Variants in LMO7 observed in about 807,000 individuals in gnomAD.
The protein encoded by LMO7 is LIM domain 7.
A neutral mutation model predicts 206.5 loss-of-function variants in LMO7; 120 were observed. That is an observed-to-expected ratio of 0.58 (90% CI 0.50 to 0.68). The LOEUF (loss-of-function observed/expected upper bound fraction) is 0.68, where lower values mean the gene tolerates loss of function less well. Among genes scored for constraint, LMO7 ranks in the 30% least tolerant of loss-of-function variants. The pLI, the probability that LMO7 is intolerant of heterozygous loss-of-function variation, is 0.00. For synonymous variants in LMO7, 706 were observed against 681.5 expected, an observed-to-expected ratio of 1.04 and a Z score of -0.56; for missense variants, 1,959 against 1,957.9, an observed-to-expected ratio of 1.00 and a Z score of -0.01.
intron 1 of LMO7, among the ~76,000 whole-genome samples, chr13:75,683,539 G>A (rs2040731641): frequency 1.3e-5 from 2 of 152,076 alleles, no homozygotes; most frequent in Admixed American, 6.5e-5. Context: ...CTATGCCGTT[G>A]TTCTCCAGTA....
intron 2 of LMO7, among the ~76,000 whole-genome samples, chr13:75,623,519 A>C (rs568646534): frequency 2.0e-4 from 30 of 152,014 alleles, no homozygotes; most frequent in Non-Finnish European, 3.7e-4. Flanking sequence ...GTATGCCACC[A>C]TACCAGGCAA....
At chr13:75,823,424 C>T in intron 14 of LMO7, 141 bp from the exon 15 acceptor site, 1 of 667,782 alleles carries the variant, frequency 1.5e-6, no homozygotes, top group Non-Finnish European at 2.4e-6. Context: ...TGAAAGAACT[C>T]AGCCCAAGCT....
At chr13:75,786,014 C>T (rs117623506) in intron 4 of LMO7, among the ~76,000 whole-genome samples, 24 of 152,208 alleles carry the variant, frequency 1.6e-4, no homozygotes, top group Non-Finnish European at 2.6e-4. Context: ...AGAGAAGTCA[C>T]TAGTAATTTA....
At chr13:75,761,249 CTTA>C (rs745762009) in intron 4 of LMO7, among the ~76,000 whole-genome samples, 36 of 152,146 alleles carry the variant, frequency 2.4e-4, no homozygotes, top group Non-Finnish European at 3.8e-4. Context: ...ATAGCATAGT[CTTA>C]CTATAAATCT....
chr13:75,750,593 C>T (rs939764207), intron 3 of LMO7, among the ~76,000 whole-genome samples: 9 of 151,994 alleles, frequency 5.9e-5, no homozygotes, highest in African/African-American at 2.2e-4. Flanking sequence ...CAGGGTCTGA[C>T]TATGTTGCCC....
At chr13:75,741,309 A>C (rs1292427169) in intron 3 of LMO7, among the ~76,000 whole-genome samples, 2 of 152,226 alleles carry the variant, frequency 1.3e-5, no homozygotes, top group Non-Finnish European at 2.9e-5. Context: ...CTTCCAAATA[A>C]AGACATAGGA....
chr13:75,747,795 C>T (rs1316644501), intron 3 of LMO7, among the ~76,000 whole-genome samples: 5 of 152,148 alleles, frequency 3.3e-5, no homozygotes, highest in South Asian at 2.1e-4. Context: ...GATGGGATTG[C>T]GGTTGCTAAT....
At chr13:75,825,520 T>C (rs1397592501) in intron 15 of LMO7, among the ~76,000 whole-genome samples, 2 of 152,220 alleles carry the variant, frequency 1.3e-5, no homozygotes, top group Non-Finnish European at 2.9e-5. Context: ...GTTTCAGATT[T>C]CCTCATTAAT....
intron 1 of LMO7, among the ~76,000 whole-genome samples, chr13:75,712,558 A>C (rs1041636268): frequency 2.6e-5 from 4 of 152,074 alleles, no homozygotes; most frequent in Non-Finnish European, 5.9e-5. Flanking sequence ...GTAATTCCTT[A>C]AGTTGGGAAT....
chr13:75,622,042 G>A (rs766838710), intron 1 of LMO7, among the ~76,000 whole-genome samples: 5 of 152,022 alleles, frequency 3.3e-5, no homozygotes, highest in Admixed American at 2.0e-4. Context: ...GACTATCCCC[G>A]GGCATTTTCT....
In LMO7 at chr13:75,800,855, G is replaced by T. The variant is rs772210415; in HGVS notation, c.634G>T (p.Asp212Tyr). Residue 212 changes from aspartate to tyrosine, a missense_variant, in exon 7 of 31, where the codon GAT (aspartate) becomes TAT (tyrosine). Transcript: ENST00000377534. ...GSRSLTSCSS[D>Y]ITLRGGREGF... ...GAGGTCATTGACAAGCTGCTCCTCTGATATCACGTTGAGAGGGGGGCGTGA... is the reference window on the plus strand; with the variant it reads ...GAGGTCATTGACAAGCTGCTCCTCTTATATCACGTTGAGAGGGGGGCGTGA... 6.2e-7 allele frequency: 1 copy of T among 1,613,848 alleles called. No individual in the cohort carries two copies. Among genetic ancestry groups the T allele is most frequent in the Non-Finnish European group, 8.5e-7 (1 of 1,179,824 alleles).
intron 9 of LMO7, chr13:75,807,190 G>T: frequency 3.1e-6 from 1 of 323,290 alleles, no homozygotes; most frequent in Non-Finnish European, 5.7e-6. Flanking sequence ...GCCTGGGAGG[G>T]GTACCTAGTC....
rs769955941 is a variant in LMO7, at chr13:75,849,149, A to G, written c.4221A>G (p.Val1407=). ...AGAGGAGATCCAAGAAAGAACAAGTACCATCAGGAGCAGAATTGGAGAGGC... is the reference window on the plus strand; with the variant it reads ...AGAGGAGATCCAAGAAAGAACAAGTGCCATCAGGAGCAGAATTGGAGAGGC... The part of the protein sequence containing the change: ...SSQRRSKKEQ[V]PSGAELERQQ... The change falls in exon 27 of 31, where the codon GTA becomes GTG. Residue 1407 remains valine, a synonymous_variant. Transcript: ENST00000377534. 4.3e-6 allele frequency: 7 copies of G among 1,613,718 alleles called. No homozygotes were observed. Among genetic ancestry groups the G allele is most frequent in the Non-Finnish European group, 5.9e-6 (7 of 1,179,586 alleles).
Position 75,824,383 on chromosome 13 carries a change from C to T in LMO7, c.2949+510C>T, listed in dbSNP as rs112197889. 6.7e-4 allele frequency among the ~76,000 whole-genome samples: 102 copies of T among 152,198 alleles called. 2 individuals carry two copies. Among genetic ancestry groups the T allele is most frequent in the African/African-American group, 2.0e-3 (81 of 41,522 alleles). On this transcript the variant is annotated intron_variant, in intron 15 of 30. Coordinates refer to ENST00000377534, the MANE Select transcript of LMO7 (RefSeq NM_001306080.2). ...TTTAATACTATTTTGTACTTTAGAA[C>T]GTCTATAATTTTCGATGGTCCCTTG...
intron 6 of LMO7, 85 bp from the exon 7 acceptor site, chr13:75,800,599 A>G: frequency 8.0e-7 from 1 of 1,254,936 alleles, no homozygotes; most frequent in Non-Finnish European, 1.1e-6. Flanking sequence ...AACTTAAATT[A>G]GGCAAACAAG....
intron 3 of LMO7, among the ~76,000 whole-genome samples, chr13:75,752,888 A>C (rs1225008958): frequency 6.6e-6 from 1 of 152,226 alleles, no homozygotes; most frequent in Non-Finnish European, 1.5e-5. Context: ...GTGCTGCAGA[A>C]AACATACAAG....
intron 3 of LMO7, among the ~76,000 whole-genome samples, chr13:75,735,022 C>T (rs921999213): frequency 2.6e-5 from 4 of 151,506 alleles, no homozygotes; most frequent in African/African-American, 7.3e-5. Context: ...GGTGTGAACC[C>T]AGGAGGTGGA....
At chr13:75,621,977 G>A (rs900837804) in intron 1 of LMO7, 18 of 648,490 alleles carry the variant, frequency 2.8e-5, no homozygotes, top group African/African-American at 2.2e-4. Flanking sequence ...AAAGAGGTCA[G>A]TAGGAAGGCA....
chr13:75,842,068 T>G, intron 24 of LMO7, 85 bp downstream of exon 24: 1 of 971,682 alleles, frequency 1.0e-6, no homozygotes, highest in South Asian at 1.7e-5. Flanking sequence ...TCCTGTTTCC[T>G]ACCACCCATT....
Sources: gnomAD v4.1 joint callset for allele counts (sites outside exome capture counted in the v4.1 genomes callset) on GRCh38, gnomAD v4.1.1 for gene constraint, MANE v1.5 for transcripts, NCBI Gene and HGNC (gene_info 2026-07-23, HGNC 2026-07-21) for gene names.